The following RPTOR variants were observed in gnomAD, a reference collection of about 807,000 sequenced individuals.
RPTOR encodes regulatory associated protein of MTOR complex 1.
A neutral mutation model predicts 169.9 loss-of-function variants in RPTOR; 21 were observed. The observed-to-expected ratio is 0.12, with a 90% CI of 0.09 to 0.18. RPTOR has a LOEUF of 0.18. Ranked by LOEUF, RPTOR falls within the 10% of genes least tolerant of loss-of-function variation. The probability of loss-of-function intolerance (pLI) is 1.00; values close to 1 mark genes in which losing one functional copy is unlikely to be tolerated. For missense variants in RPTOR, 1,133 were observed against 1,855.9 expected (o/e 0.61, Z 7.16); for synonymous variants, 732 against 753.2 (o/e 0.97, Z 0.46).
chr17:80,749,597 C>T (rs1057266000), intron 5 of RPTOR, among the ~76,000 whole-genome samples: 3 of 150,852 alleles, frequency 2.0e-5, no homozygotes, highest in Non-Finnish European at 4.4e-5. Context: ...GGAGGGGCTG[C>T]GGTGTGTGTT....
At chr17:80,694,095 C>T (rs1278825085) in intron 3 of RPTOR, among the ~76,000 whole-genome samples, 1 of 152,278 alleles carries the variant, frequency 6.6e-6, no homozygotes, top group Non-Finnish European at 1.5e-5. Flanking sequence ...TTTGCGTTTA[C>T]AGCTGTAGAG....
At chr17:80,857,686 A>C in intron 12 of RPTOR, 104 bp from the exon 13 acceptor site, 1 of 704,036 alleles carries the variant, frequency 1.4e-6, no homozygotes, top group Non-Finnish European at 2.5e-6. Flanking sequence ...TGCGTTTCCC[A>C]TATGTGCTGA....
intron 24 of RPTOR, among the ~76,000 whole-genome samples, chr17:80,929,498 G>A (rs780215623): frequency 2.6e-4 from 39 of 152,248 alleles, no homozygotes; most frequent in Non-Finnish European, 5.0e-4. Context: ...TTTAAGAGTC[G>A]ATACGCTGTT....
At chr17:80,678,384 G>A (rs1302644927) in intron 3 of RPTOR, among the ~76,000 whole-genome samples, 2 of 152,120 alleles carry the variant, frequency 1.3e-5, no homozygotes, top group Non-Finnish European at 2.9e-5. Flanking sequence ...GCAGGCAGAT[G>A]GCTTGAGCCC....
intron 7 of RPTOR, chr17:80,802,046 A>T (rs1202550553): frequency 6.6e-6 from 1 of 152,194 alleles, no homozygotes; most frequent in Non-Finnish European, 1.5e-5. Context: ...TCCTTAGCTC[A>T]TCCGGATTGG....
rs1050532698 is a variant in RPTOR, at chr17:80,635,985, G to A, written c.266-7743G>A. ...GTGCAATCAAATTACTTACAAACAT[G>A]TTACCGTTTAGAAGGCAGACCTCAG... On this transcript the variant is annotated intron_variant, in intron 2 of 33. Coordinates refer to ENST00000306801, the MANE Select transcript of RPTOR (RefSeq NM_020761.3). Among the ~76,000 whole-genome samples the A allele has an allele frequency of 5.9e-5, 9 of 152,208 alleles. No individual in the cohort carries two copies. In the East Asian group the frequency reaches 1.7e-3, roughly 29 times the overall value.
intron 12 of RPTOR, among the ~76,000 whole-genome samples, chr17:80,857,550 G>A (rs1184121316): frequency 3.3e-5 from 5 of 152,242 alleles, no homozygotes; most frequent in Admixed American, 6.5e-5. Context: ...GCTGCCACCC[G>A]ATTCATTCCA....
chr17:80,789,661 A>G (rs2067027661), intron 6 of RPTOR, among the ~76,000 whole-genome samples: 1 of 152,186 alleles, frequency 6.6e-6, no homozygotes, highest in South Asian at 2.1e-4. Context: ...TCAACCCAGT[A>G]AGGCTGCTGC....
chr17:80,903,345 C>T (rs1013234591), intron 20 of RPTOR, among the ~76,000 whole-genome samples: 1 of 145,598 alleles, frequency 6.9e-6, no homozygotes, highest in African/African-American at 2.8e-5. Context: ...GGAGCCAGAA[C>T]TACTGCCTTT....
chr17:80,686,810 T>A (rs543101091), intron 3 of RPTOR, among the ~76,000 whole-genome samples: 1 of 152,302 alleles, frequency 6.6e-6, no homozygotes, highest in East Asian at 1.9e-4. Context: ...CCTGAGCACC[T>A]GCGCTTCAGA....
At chr17:80,577,563 G>A (rs1188554927) in intron 1 of RPTOR, among the ~76,000 whole-genome samples, 1 of 152,216 alleles carries the variant, frequency 6.6e-6, no homozygotes, top group East Asian at 1.9e-4. Context: ...AGAGGCGTGA[G>A]CCATTGCGCC....
At position 80,633,831 on chromosome 17, in the gene RPTOR, C is replaced by T. The variant is rs78771283; in HGVS notation, c.265+8038C>T. Among the ~76,000 whole-genome samples, 1,271 of 152,286 alleles carry T rather than the reference C, an allele frequency of 8.3e-3. 17 individuals are homozygous for T. Among genetic ancestry groups the T allele is most frequent in the African/African-American group, 0.029 (1,204 of 41,556 alleles). On this transcript the variant is annotated intron_variant, in intron 2 of 33. Coordinates refer to ENST00000306801, the MANE Select transcript of RPTOR (RefSeq NM_020761.3). This position sits in a 1 kb window ranked among gnomAD's most constrained non-coding sequence, Gnocchi z 4.1. ...ATCCTTTGGTGCCGAGCTTGTCTCCCTCTGGTTGTTGGGAACCCATTGGGC... is the reference window on the plus strand; with the variant it reads ...ATCCTTTGGTGCCGAGCTTGTCTCCTTCTGGTTGTTGGGAACCCATTGGGC...
At position 80,947,391 on chromosome 17, in the gene RPTOR, C is replaced by G. The variant is rs2144058365; in HGVS notation, c.3265+40C>G. 1 of 1,505,508 alleles carries G rather than the reference C, an allele frequency of 6.6e-7. No homozygotes were observed. The highest frequency in any genetic ancestry group is 2.3e-5 in the Admixed American group (1 of 42,876). 93.3% of individuals were successfully genotyped at this position (1,505,508 alleles called of 1,614,324 possible). On this transcript the variant is annotated intron_variant, in intron 27 of 33. Transcript: ENST00000306801. The surrounding 1 kb of genome is among the most constrained non-coding windows in gnomAD (Gnocchi z 4.4). Reference sequence around the variant, plus strand: ...CACAGCCAGGATTGGAAGCCAGGGTCTGGAGGAGTGGCGGGGAGGGTGTGT... The same window carrying G: ...CACAGCCAGGATTGGAAGCCAGGGTGTGGAGGAGTGGCGGGGAGGGTGTGT...
Position 80,717,945 on chromosome 17 carries a change from A to C in RPTOR, c.507+9946A>C, listed in dbSNP as rs908887658. On this transcript the variant is annotated intron_variant, in intron 4 of 33. Transcript: ENST00000306801. ...CGTTTATCGGGAGAAGGATTAATCC[A>C]CTACTCGAATACTCCCAATTAGCTT... Among the ~76,000 whole-genome samples the C allele has an allele frequency of 2.0e-5, 3 of 152,230 alleles. No homozygotes were observed. In the East Asian group the frequency reaches 5.8e-4, roughly 29 times the overall value.
chr17:80,962,830 T>C (rs528896721), intron 32 of RPTOR, 98 bp from the exon 33 acceptor site: 1 of 1,561,452 alleles, frequency 6.4e-7, no homozygotes, highest in East Asian at 2.3e-5. Context: ...CCTGTCCCCG[T>C]GGTCTAGCCG....
At chr17:80,625,257 CT>C (rs1286561430) in intron 1 of RPTOR, among the ~76,000 whole-genome samples, 45 of 152,306 alleles carry the variant, frequency 3.0e-4, no homozygotes, top group African/African-American at 1.1e-3. Context: ...AATACGACAG[CT>C]TTTCTCATTA....
intron 13 of RPTOR, among the ~76,000 whole-genome samples, chr17:80,877,221 G>A (rs887817957): frequency 6.6e-6 from 1 of 152,242 alleles, no homozygotes; most frequent in Non-Finnish European, 1.5e-5. Flanking sequence ...AGCAGCAGCC[G>A]AGAGAGTCCA....
Position 80,907,096 on chromosome 17 carries a change from C to T in RPTOR, c.2402-1715C>T, listed in dbSNP as rs151132242. On this transcript the variant is annotated intron_variant, in intron 20 of 33. Transcript: ENST00000306801. ...TCCATCTCCGTGGACTTGACTGTGT[C>T]GTGCAAAACCCACTCCACGTGCGCA... 3.3e-5 allele frequency among the ~76,000 whole-genome samples: 5 copies of T among 152,204 alleles called. No individual in the cohort carries two copies. The East Asian group carries it at 7.7e-4, about 23-fold the overall frequency.
chr17:80,731,425 A>G (rs1170511475), intron 5 of RPTOR, among the ~76,000 whole-genome samples: 1 of 152,036 alleles, frequency 6.6e-6, no homozygotes, highest in African/African-American at 2.4e-5. Flanking sequence ...ATCCCCGAAA[A>G]CCACTAAGCT....
Sources: allele counts gnomAD v4.1 joint callset (sites outside exome capture counted in the v4.1 genomes callset), GRCh38; gene constraint gnomAD v4.1.1; non-coding constraint Gnocchi (gnomAD v3.1); transcripts MANE v1.5; gene names NCBI Gene and HGNC (gene_info 2026-07-23, HGNC 2026-07-21).